The following AGPAT4 variants were observed in gnomAD, a reference collection of about 807,000 sequenced individuals.
AGPAT4 encodes the protein 1-acyl-sn-glycerol-3-phosphate acyltransferase delta.
Under a neutral mutation model 48.0 loss-of-function variants are expected in AGPAT4, and 15 were observed. That is an observed-to-expected ratio of 0.31 (90% CI 0.21 to 0.48). AGPAT4 has a LOEUF of 0.48. Among genes scored for constraint, AGPAT4 ranks in the 20% least tolerant of loss-of-function variants. The probability of loss-of-function intolerance (pLI) is 0.99; values close to 1 mark genes in which losing one functional copy is unlikely to be tolerated. For missense variants in AGPAT4, 314 were observed against 482.5 expected (o/e 0.65, Z 3.27); for synonymous variants, 178 against 198.7 (o/e 0.90, Z 0.88).
rs1041213297 is a variant in AGPAT4 at position 161,229,517 on chromosome 6, G to C, written c.178+2519C>G. On this transcript the variant is annotated intron_variant, in intron 2 of 8. Coordinates refer to ENST00000320285, the MANE Select transcript of AGPAT4 (RefSeq NM_020133.3). This position sits in a 1 kb window ranked among gnomAD's most constrained non-coding sequence, Gnocchi z 6.0. ...TGGTTACTGTGAAATAATTGACAGA[G>C]GAAGTCTGTCAATTATTTAGAGCAA... Among the ~76,000 whole-genome samples the C allele has an allele frequency of 2.6e-5, 4 of 152,062 alleles. No individual in the cohort carries two copies. The highest frequency in any genetic ancestry group is 7.2e-5 in the African/African-American group (3 of 41,402).
chr6:161,159,794 C>A lies in AGPAT4; in HGVS notation c.349-5484G>T, dbSNP rs1269147335. On this transcript the variant is annotated intron_variant, in intron 3 of 8. Transcript: ENST00000320285. This position sits in a 1 kb window ranked among gnomAD's most constrained non-coding sequence, Gnocchi z 4.1. ...GAGTAGCTGGGATTACAGGCACCTG[C>A]CACCGTGCCTGGCTAATTTTTTGTA... Among the ~76,000 whole-genome samples, 1 of 151,888 alleles carries A rather than the reference C, an allele frequency of 6.6e-6. No homozygotes were observed. Among genetic ancestry groups the A allele is most frequent in the African/African-American group, 2.4e-5 (1 of 41,318 alleles).
chr6:161,187,906 C>A (rs368418619), intron 2 of AGPAT4, among the ~76,000 whole-genome samples: 5 of 152,244 alleles, frequency 3.3e-5, no homozygotes, highest in African/African-American at 4.8e-5. Context: ...ATATTTAAAG[C>A]AAATTGTAAA....
intron 3 of AGPAT4, among the ~76,000 whole-genome samples, chr6:161,163,845 C>G (rs893133089): frequency 2.0e-5 from 3 of 152,218 alleles, no homozygotes; most frequent in Non-Finnish European, 4.4e-5. Context: ...AGAGGCATCG[C>G]CCTGGCCCCA....
rs1779813157 is a variant in AGPAT4 at position 161,158,146 on chromosome 6, AACTGAAGAGTCACTGTG to A, written c.349-3853_349-3837del. The stretch of plus-strand genomic sequence containing the variant: ...CAATAGATTACATTTATTTAAGCAC[AACTGAAGAGTCACTGTG>A]CACAGACAGTTGCCCAAGTTAACTC... On this transcript the variant is annotated intron_variant, in intron 3 of 8. Coordinates refer to ENST00000320285, the MANE Select transcript of AGPAT4 (RefSeq NM_020133.3). This position sits in a 1 kb window ranked among gnomAD's most constrained non-coding sequence, Gnocchi z 5.3. 6.6e-6 allele frequency among the ~76,000 whole-genome samples: 1 copy of A among 152,214 alleles called. No individual in the cohort carries two copies. The highest frequency in any genetic ancestry group is 1.5e-5 in the Non-Finnish European group (1 of 68,042).
rs911747350 is a variant in AGPAT4 at position 161,264,284 on chromosome 6, C to G, written c.-90+9654G>C. On this transcript the variant is annotated intron_variant, in intron 1 of 8. Transcript: ENST00000320285. This position sits in a 1 kb window ranked among gnomAD's most constrained non-coding sequence, Gnocchi z 6.8. ...CAGACCTGTGCCTCTTCTGGGCCTC[C>G]CCTCCCAGAGCTGCAGGATGCTCAG... is the stretch of plus-strand genomic sequence containing the variant. 1.3e-5 allele frequency among the ~76,000 whole-genome samples: 2 copies of G among 152,132 alleles called. No individual in the cohort carries two copies. Among genetic ancestry groups the G allele is most frequent in the African/African-American group, 4.8e-5 (2 of 41,422 alleles).
At chr6:161,192,068 T>G in intron 2 of AGPAT4, among the ~76,000 whole-genome samples, 1 of 148,688 alleles carries the variant, frequency 6.7e-6, no homozygotes, top group African/African-American at 2.5e-5. Flanking sequence ...GTTTCCATGG[T>G]GCCTTTCTTC....
At chr6:161,253,638 T>C (rs1366840289) in intron 1 of AGPAT4, among the ~76,000 whole-genome samples, 1 of 146,230 alleles carries the variant, frequency 6.8e-6, no homozygotes, top group Non-Finnish European at 1.5e-5. Flanking sequence ...ATTTGTAATA[T>C]AAATAAATAT....
chr6:161,131,287 A>G lies in AGPAT4; in HGVS notation c.*5253T>C, dbSNP rs1198668762. On this transcript the variant is annotated 3_prime_UTR_variant, in exon 9 of 9. Coordinates refer to ENST00000320285, the MANE Select transcript of AGPAT4 (RefSeq NM_020133.3). Reference sequence around the variant, plus strand: ...TTAAGAACTGCTTTTTAACCCATTCACAACCTTCATATTAAACTAGGATGA... The same window carrying G: ...TTAAGAACTGCTTTTTAACCCATTCGCAACCTTCATATTAAACTAGGATGA... The G allele has an allele frequency of 6.0e-6, 1 of 165,952 alleles. No homozygotes were observed. Among genetic ancestry groups the G allele is most frequent in the Non-Finnish European group, 1.3e-5 (1 of 75,794 alleles). 10.3% of individuals were successfully genotyped at this position (165,952 alleles called of 1,614,324 possible). A position where few individuals can be genotyped will look rare whatever the true frequency, so the allele number is the denominator to read the frequency against.
rs145453410 is a variant in AGPAT4 at position 161,229,996 on chromosome 6, G to A, written c.178+2040C>T. ...TGCACCCGGCATTGAGATGCCAGTT[G>A]TCTTAGATGGTTAATTCTTGAGTTT... is the stretch of plus-strand genomic sequence containing the variant. On this transcript the variant is annotated intron_variant, in intron 2 of 8. Transcript: ENST00000320285. The surrounding 1 kb of genome is among the most constrained non-coding windows in gnomAD (Gnocchi z 6.0). Among the ~76,000 whole-genome samples, 13 of 152,288 alleles carry A rather than the reference G, an allele frequency of 8.5e-5. No individual in the cohort carries two copies. Among genetic ancestry groups the A allele is most frequent in the Non-Finnish European group, 1.8e-4 (12 of 68,006 alleles).
In AGPAT4 at chr6:161,134,588, TCAG is replaced by T. The variant is rs1779005776; in HGVS notation, c.*1949_*1951del. 2.0e-5 allele frequency: 3 copies of T among 151,648 alleles called. No individual in the cohort carries two copies. The highest frequency in any genetic ancestry group is 4.9e-5 in the African/African-American group (2 of 41,234). The allele number at this position is 151,648 out of a possible 1,614,324, so 9.4% of individuals were successfully genotyped here. On this transcript the variant is annotated 3_prime_UTR_variant, in exon 9 of 9. Coordinates refer to ENST00000320285, the MANE Select transcript of AGPAT4 (RefSeq NM_020133.3). ...CCCATTTTGCAGATGGGGAAATGAGTCAGCAAGGAAAAGTGTCTCACCCAAATC... is the reference window on the plus strand; with the variant it reads ...CCCATTTTGCAGATGGGGAAATGAGTCAAGGAAAAGTGTCTCACCCAAATC...
chr6:161,258,235 A>G (rs1456923890), intron 1 of AGPAT4, among the ~76,000 whole-genome samples: 1 of 152,232 alleles, frequency 6.6e-6, no homozygotes, highest in African/African-American at 2.4e-5. Flanking sequence ...TGTCTTCCCT[A>G]AAAAGTGACT....
At chr6:161,209,582 T>C (rs1781469625) in intron 2 of AGPAT4, among the ~76,000 whole-genome samples, 1 of 152,152 alleles carries the variant, frequency 6.6e-6, no homozygotes, top group South Asian at 2.1e-4. Context: ...GAGACCTGAA[T>C]TGAGCATGTT....
In AGPAT4 at chr6:161,223,478, A is replaced by T. The variant is rs530952895; in HGVS notation, c.178+8558T>A. On this transcript the variant is annotated intron_variant, in intron 2 of 8. Transcript: ENST00000320285. The surrounding 1 kb of genome is among the most constrained non-coding windows in gnomAD (Gnocchi z 6.3). ...GGCAAGTCATCCAACCTCTCGCCTC[A>T]TTTAACAGGTGAATTGCCTGTTCAC... 2.2e-3 allele frequency among the ~76,000 whole-genome samples: 330 copies of T among 152,312 alleles called. 2 individuals are homozygous for T. The highest frequency in any genetic ancestry group is 7.5e-3 in the African/African-American group (311 of 41,556).
intron 1 of AGPAT4, among the ~76,000 whole-genome samples, chr6:161,252,766 C>T (rs145187548): frequency 0.011 from 1,715 of 151,986 alleles, 38 homozygotes; most frequent in African/African-American, 0.039. Flanking sequence ...GCCAAGATCA[C>T]GCCACTGCAT....
At chr6:161,168,915 G>A (rs145768722) in intron 2 of AGPAT4, among the ~76,000 whole-genome samples, 1 of 152,238 alleles carries the variant, frequency 6.6e-6, no homozygotes, top group East Asian at 1.9e-4. Context: ...TGTAAAGTAG[G>A]GACAGGTAAA....
chr6:161,178,609 C>T lies in AGPAT4; in HGVS notation c.179-12192G>A, dbSNP rs1780494898. ...GAGGCGATGCCCCACCCTGCTTCAGCTCACACTCGCGTGGGCTGCACCCAC... is the reference window on the plus strand; with the variant it reads ...GAGGCGATGCCCCACCCTGCTTCAGTTCACACTCGCGTGGGCTGCACCCAC... On this transcript the variant is annotated intron_variant, in intron 2 of 8. Coordinates refer to ENST00000320285, the MANE Select transcript of AGPAT4 (RefSeq NM_020133.3). This position sits in a 1 kb window ranked among gnomAD's most constrained non-coding sequence, Gnocchi z 5.1. Among the ~76,000 whole-genome samples, 1 of 152,176 alleles carries T rather than the reference C, an allele frequency of 6.6e-6. No individual in the cohort carries two copies. The highest frequency in any genetic ancestry group is 1.5e-5 in the Non-Finnish European group (1 of 68,026).
chr6:161,217,543 C>T lies in AGPAT4; in HGVS notation c.178+14493G>A, dbSNP rs755303241. Among the ~76,000 whole-genome samples the T allele has an allele frequency of 2.0e-5, 3 of 152,120 alleles. No homozygotes were observed. The highest frequency in any genetic ancestry group is 2.1e-4 in the South Asian group (1 of 4,824). On this transcript the variant is annotated intron_variant, in intron 2 of 8. Coordinates refer to ENST00000320285, the MANE Select transcript of AGPAT4 (RefSeq NM_020133.3). The surrounding 1 kb of genome is among the most constrained non-coding windows in gnomAD (Gnocchi z 4.9). ...TGGTAATCCAGTATGAAGGCATTGGCGTTATGCCTGCATTTTCTCTCACTA... is the reference window on the plus strand; with the variant it reads ...TGGTAATCCAGTATGAAGGCATTGGTGTTATGCCTGCATTTTCTCTCACTA...
chr6:161,193,434 G>C (rs1388864675), intron 2 of AGPAT4, among the ~76,000 whole-genome samples: 1 of 152,230 alleles, frequency 6.6e-6, no homozygotes, highest in Non-Finnish European at 1.5e-5. Flanking sequence ...CTAACATCAT[G>C]GTTGGAGATT....
chr6:161,209,584 GAGCATGTTCAT>G (rs900541919), intron 2 of AGPAT4, among the ~76,000 whole-genome samples: 7 of 152,110 alleles, frequency 4.6e-5, no homozygotes, highest in African/African-American at 1.4e-4. Flanking sequence ...GACCTGAATT[GAGCATGTTCAT>G]AGCATGTTCA....
Sources: allele counts gnomAD v4.1 joint callset (sites outside exome capture counted in the v4.1 genomes callset), GRCh38; gene constraint gnomAD v4.1.1; non-coding constraint Gnocchi (gnomAD v3.1); transcripts MANE v1.5; gene names NCBI Gene and HGNC (gene_info 2026-07-23, HGNC 2026-07-21).